The following PRKN variants were observed in gnomAD, a reference collection of about 807,000 sequenced individuals.
PRKN encodes the protein E3 ubiquitin-protein ligase parkin.
PRKN carries 56 observed loss-of-function variants against 59.5 expected under a neutral mutation model. The ratio of observed to expected loss-of-function variants is 0.94; its 90% CI spans 0.76 to 1.18. The LOEUF is 1.18. PRKN is among the 50% of genes most tolerant of loss of function. The pLI, the probability that PRKN is intolerant of heterozygous loss-of-function variation, is 0.00. For missense variants in PRKN, 657 were observed against 596.4 expected (o/e 1.10, Z -1.06); for synonymous variants, 250 against 222.1 (o/e 1.13, Z -1.12).
intron 6 of PRKN, among the ~76,000 whole-genome samples, chr6:161,839,700 G>A (rs1792904112): frequency 6.6e-6 from 1 of 152,174 alleles, no homozygotes; most frequent in African/African-American, 2.4e-5. Flanking sequence ...ACAATTTAAA[G>A]CCTTCTGGGA....
intron 2 of PRKN, among the ~76,000 whole-genome samples, chr6:162,364,071 C>A (rs1207241718): frequency 6.6e-6 from 1 of 152,204 alleles, no homozygotes; most frequent in Non-Finnish European, 1.5e-5. Flanking sequence ...CCTTTGGCCC[C>A]AAGACTCACG....
chr6:162,019,840 GAAACCCTGTCTCTACTA>G, intron 5 of PRKN, among the ~76,000 whole-genome samples: 1 of 152,184 alleles, frequency 6.6e-6, no homozygotes, highest in East Asian at 1.9e-4. Context: ...CCAACATGGT[GAAACCCTGTCTCTACTA>G]AAAATACAAA....
At chr6:161,351,531 G>A (rs1029543834) in intron 11 of PRKN, among the ~76,000 whole-genome samples, 3 of 151,884 alleles carry the variant, frequency 2.0e-5, no homozygotes, top group African/African-American at 7.3e-5. Flanking sequence ...TGCCATGTTG[G>A]CCAGGCTGGT....
chr6:162,529,113 A>G (rs1583734619), intron 1 of PRKN, among the ~76,000 whole-genome samples: 3 of 152,110 alleles, frequency 2.0e-5, no homozygotes, highest in Admixed American at 2.0e-4. Flanking sequence ...TCCTCAAGCA[A>G]TCTGCCCACC....
At chr6:162,715,735 C>T (rs145749261) in intron 1 of PRKN, among the ~76,000 whole-genome samples, 1 of 152,242 alleles carries the variant, frequency 6.6e-6, no homozygotes, top group Non-Finnish European at 1.5e-5. Context: ...CTGAGCTGGT[C>T]CTGACACCCT....
intron 7 of PRKN, among the ~76,000 whole-genome samples, chr6:161,602,964 AAAGGTCTACACAGTTTTCAAAGCCCTTC>A (rs1423486234): frequency 6.6e-6 from 1 of 152,224 alleles, no homozygotes; most frequent in Non-Finnish European, 1.5e-5. Flanking sequence ...CTGTTTTTAT[AAAGGTCTACACAGTTTTCAAAGCCCTTC>A]ACCCACATTA....
rs951583092 is a variant in PRKN at position 162,012,211 on chromosome 6, C to T, written c.619-38794G>A. On this transcript the variant is annotated intron_variant, in intron 5 of 11. Transcript: ENST00000366898. ...GGAATTATAAATTTTAAAACAACTTCAGATATATAGAACAGTTGCAAAAAT... is the reference window on the plus strand; with the variant it reads ...GGAATTATAAATTTTAAAACAACTTTAGATATATAGAACAGTTGCAAAAAT... Among the ~76,000 whole-genome samples, 19 of 152,150 alleles carry T rather than the reference C, an allele frequency of 1.2e-4. 1 individual carries two copies. The highest frequency in any genetic ancestry group is 4.3e-4 in the African/African-American group (18 of 41,522).
chr6:162,100,062 C>A (rs530177912), intron 4 of PRKN, among the ~76,000 whole-genome samples: 1 of 152,350 alleles, frequency 6.6e-6, no homozygotes, highest in African/African-American at 2.4e-5. Context: ...TATGTAACAT[C>A]ATGTCCTTCA....
chr6:162,308,179 T>C (rs1192076364), intron 2 of PRKN, among the ~76,000 whole-genome samples: 2 of 152,202 alleles, frequency 1.3e-5, no homozygotes, highest in African/African-American at 2.4e-5. Flanking sequence ...AGGAAACACC[T>C]TTCAAATCCA....
At position 161,995,255 on chromosome 6, in the gene PRKN, C is replaced by T. The variant is rs545317803; in HGVS notation, c.619-21838G>A. On this transcript the variant is annotated intron_variant, in intron 5 of 11. Coordinates refer to ENST00000366898, the MANE Select transcript of PRKN (RefSeq NM_004562.3). The stretch of plus-strand genomic sequence containing the variant: ...GAAGAATGAAACTAGACCCTTATCT[C>T]TCACTATATGCAAAAATCAAGGCAG... Among the ~76,000 whole-genome samples, 6 of 152,246 alleles carry T rather than the reference C, an allele frequency of 3.9e-5. No individual in the cohort carries two copies. In the East Asian group the frequency reaches 1.2e-3, roughly 29 times the overall value.
At chr6:162,600,683 T>A (rs578231411) in intron 1 of PRKN, among the ~76,000 whole-genome samples, 2 of 152,156 alleles carry the variant, frequency 1.3e-5, no homozygotes, top group South Asian at 2.1e-4. Context: ...TTTAGCACCA[T>A]CCTCTCAGTG....
chr6:162,166,595 G>C (rs1782999868), intron 4 of PRKN, among the ~76,000 whole-genome samples: 2 of 152,186 alleles, frequency 1.3e-5, no homozygotes, highest in African/African-American at 4.8e-5. Flanking sequence ...TCGAGGTGAA[G>C]TATACTCATG....
intron 9 of PRKN, among the ~76,000 whole-genome samples, chr6:161,420,020 C>T (rs1215588087): frequency 2.0e-5 from 3 of 151,908 alleles, no homozygotes; most frequent in Admixed American, 6.6e-5. Flanking sequence ...GGGCGGATCA[C>T]GAGGTCAAGA....
At chr6:162,595,316 T>C (rs1431351386) in intron 1 of PRKN, among the ~76,000 whole-genome samples, 3 of 151,844 alleles carry the variant, frequency 2.0e-5, no homozygotes, top group Non-Finnish European at 4.4e-5. Context: ...AGTGCAGTGG[T>C]GCAATCTTGG....
At chr6:161,641,178 G>A (rs944501479) in intron 7 of PRKN, among the ~76,000 whole-genome samples, 5 of 152,172 alleles carry the variant, frequency 3.3e-5, no homozygotes, top group Non-Finnish European at 5.9e-5. Context: ...CCCCCTTCCT[G>A]CCTAGGGACT....
At chr6:161,632,400 C>A (rs1357355627) in intron 7 of PRKN, among the ~76,000 whole-genome samples, 1 of 152,124 alleles carries the variant, frequency 6.6e-6, no homozygotes, top group Non-Finnish European at 1.5e-5. Context: ...GTGTAAATGG[C>A]AAAACGTTAT....
intron 2 of PRKN, among the ~76,000 whole-genome samples, chr6:162,340,101 C>T (rs1034942568): frequency 1.4e-5 from 2 of 145,424 alleles, no homozygotes; most frequent in African/African-American, 5.2e-5. Flanking sequence ...CCTGCCAAAT[C>T]CCCCTCTGTG....
rs370714851 is a variant in PRKN, at chr6:161,462,347, A to C, written c.1084-75470T>G. On this transcript the variant is annotated intron_variant, in intron 9 of 11. Coordinates refer to ENST00000366898, the MANE Select transcript of PRKN (RefSeq NM_004562.3). This position sits in a 1 kb window ranked among gnomAD's most constrained non-coding sequence, Gnocchi z 4.5. ...GGTTTATAAGCTGGCATAAGCTGGC[A>C]TTTTTCAGTCGAAATACCACAGGGA... 6.6e-6 allele frequency among the ~76,000 whole-genome samples: 1 copy of C among 152,180 alleles called. No individual in the cohort carries two copies. The highest frequency in any genetic ancestry group is 1.5e-5 in the Non-Finnish European group (1 of 68,030).
chr6:162,050,769 G>A (rs1777603675), intron 5 of PRKN, among the ~76,000 whole-genome samples: 1 of 152,110 alleles, frequency 6.6e-6, no homozygotes, highest in Admixed American at 6.5e-5. Flanking sequence ...TCCATGCGGA[G>A]CACTGAAGAC....
Sources: allele counts gnomAD v4.1 joint callset (sites outside exome capture counted in the v4.1 genomes callset), GRCh38; gene constraint gnomAD v4.1.1; non-coding constraint Gnocchi (gnomAD v3.1); transcripts MANE v1.5; gene names NCBI Gene and HGNC (gene_info 2026-07-23, HGNC 2026-07-21).